Variants in GRM7 observed in about 807,000 individuals in gnomAD.
GRM7 encodes the protein metabotropic glutamate receptor 7.
In GRM7, 35 loss-of-function variants were observed where a neutral mutation model predicts 84.5. The observed-to-expected ratio is 0.41, with a 90% CI of 0.32 to 0.55. The LOEUF (loss-of-function observed/expected upper bound fraction) is 0.55, where lower values mean the gene tolerates loss of function less well. Among genes scored for constraint, GRM7 ranks in the 20% least tolerant of loss-of-function variants. GRM7 has a pLI of 0.19. For synonymous variants in GRM7, 487 were observed against 455.1 expected, an observed-to-expected ratio of 1.07 and a Z score of -0.89; for missense variants, 1,003 against 1,194.6, an observed-to-expected ratio of 0.84 and a Z score of 2.36.
chr3:7,269,116 A>T (rs1698757950), intron 2 of GRM7, among the ~76,000 whole-genome samples: 1 of 152,172 alleles, frequency 6.6e-6, no homozygotes, highest in African/African-American at 2.4e-5. Flanking sequence ...GAACCACATG[A>T]CCTGGAAGGC....
At chr3:7,447,756 TTTA>T (rs1383362241) in intron 5 of GRM7, among the ~76,000 whole-genome samples, 4 of 151,832 alleles carry the variant, frequency 2.6e-5, no homozygotes, top group African/African-American at 9.7e-5. Context: ...TTTTATTTAT[TTTA>T]TTATTATACT....
At chr3:7,694,684 C>T (rs934360240) in intron 9 of GRM7, among the ~76,000 whole-genome samples, 6 of 152,148 alleles carry the variant, frequency 3.9e-5, no homozygotes. Context: ...ACGCATGTTT[C>T]CTGACTCTAG....
In GRM7 at chr3:7,333,628, C is replaced by T. The variant is rs184734120; in HGVS notation, c.1033+26976C>T. On this transcript the variant is annotated intron_variant, in intron 4 of 9. Coordinates refer to ENST00000357716, the MANE Select transcript of GRM7 (RefSeq NM_000844.4). The stretch of plus-strand genomic sequence containing the variant: ...ATGGATCCAAACCAAGAAGAAATGC[C>T]AGATAAAGAATTCAGAAGGTTGATT... 4.1e-3 allele frequency among the ~76,000 whole-genome samples: 615 copies of T among 151,698 alleles called. 8 individuals are homozygous for T. Among genetic ancestry groups the T allele is most frequent in the African/African-American group, 0.014 (573 of 41,344 alleles).
rs140018622 is a variant in GRM7, at chr3:6,930,389, T to C, written c.519+68482T>C. 1.6e-4 allele frequency among the ~76,000 whole-genome samples: 24 copies of C among 152,358 alleles called. No individual in the cohort carries two copies. The East Asian group carries it at 4.1e-3, about 26-fold the overall frequency. On this transcript the variant is annotated intron_variant, in intron 1 of 9. Coordinates refer to ENST00000357716, the MANE Select transcript of GRM7 (RefSeq NM_000844.4). Reference sequence around the variant, plus strand: ...ATAGAGTAGGCAAGAGGTCAAACGATTGCGTGTCTATATCCTATGATTATA... The same window carrying C: ...ATAGAGTAGGCAAGAGGTCAAACGACTGCGTGTCTATATCCTATGATTATA...
chr3:7,642,348 G>C (rs1698402960), intron 8 of GRM7, among the ~76,000 whole-genome samples: 1 of 152,124 alleles, frequency 6.6e-6, no homozygotes, highest in Non-Finnish European at 1.5e-5. Context: ...GTGGTAGAGG[G>C]AGAGGTAAGA....
chr3:6,935,677 A>AAATATTATTATTATTATTATT (rs375035491), intron 1 of GRM7, among the ~76,000 whole-genome samples: 2 of 142,452 alleles, frequency 1.4e-5, no homozygotes, highest in Non-Finnish European at 3.0e-5. Flanking sequence ...CTTATTTTTA[A>AAATATTATTATTATTATTATT]ATTATTATTA....
chr3:7,294,570 A>T (rs1170247277), intron 2 of GRM7, among the ~76,000 whole-genome samples: 1 of 85,334 alleles, frequency 1.2e-5, no homozygotes. Context: ...TCCCTAAAAA[A>T]AAAAAAGAAA....
chr3:6,913,990 C>T (rs1284462811), intron 1 of GRM7, among the ~76,000 whole-genome samples: 1 of 152,174 alleles, frequency 6.6e-6, no homozygotes, highest in African/African-American at 2.4e-5. Context: ...TATAACTCCT[C>T]ATTTATTTCT....
At chr3:7,578,234 AAGAGTGAGGATGC>A (rs1695057719) in intron 7 of GRM7, among the ~76,000 whole-genome samples, 175 bp from the exon 8 acceptor site, 1 of 152,122 alleles carries the variant, frequency 6.6e-6, no homozygotes, top group East Asian at 1.9e-4. Context: ...TCTAATGGTG[AAGAGTGAGGATGC>A]TGGAATCCTA....
intron 2 of GRM7, among the ~76,000 whole-genome samples, chr3:7,167,485 A>G (rs1694837696): frequency 6.6e-6 from 1 of 152,190 alleles, no homozygotes. Context: ...TAAGGGAAAC[A>G]TTGAATTTAT....
At chr3:7,552,109 C>A (rs191514133) in intron 7 of GRM7, among the ~76,000 whole-genome samples, 1 of 152,304 alleles carries the variant, frequency 6.6e-6, no homozygotes, top group East Asian at 1.9e-4. Flanking sequence ...CCCTTGAAAC[C>A]TTTTGCCAAA....
chr3:7,238,996 C>CTTTTTTTTTTTTTTTTTT (rs567509392), intron 2 of GRM7, among the ~76,000 whole-genome samples: 5 of 118,352 alleles, frequency 4.2e-5, no homozygotes, highest in East Asian at 2.5e-4. Flanking sequence ...TTTCTTTTTT[C>CTTTTTTTTTTTTTTTTTT]CTTTTTCTTT....
intron 7 of GRM7, among the ~76,000 whole-genome samples, chr3:7,534,221 C>A (rs1221206293): frequency 6.6e-6 from 1 of 152,078 alleles, no homozygotes; most frequent in African/African-American, 2.4e-5. Flanking sequence ...AACATATTGG[C>A]CAGGCTGGTC....
chr3:7,460,099 TAAAAAAA>T (rs71066013), intron 6 of GRM7, among the ~76,000 whole-genome samples: 3 of 49,552 alleles, frequency 6.1e-5, no homozygotes, highest in Admixed American at 3.1e-4. Context: ...CTTAAAATAG[TAAAAAAA>T]AAAAAAAAAA....
At chr3:7,635,194 T>C (rs569616022) in intron 8 of GRM7, among the ~76,000 whole-genome samples, 4 of 152,296 alleles carry the variant, frequency 2.6e-5, no homozygotes, top group African/African-American at 4.8e-5. Flanking sequence ...CAGCTATAAA[T>C]AGTTTCCTGG....
At chr3:7,545,322 T>C (rs1174101476) in intron 7 of GRM7, among the ~76,000 whole-genome samples, 20 of 152,242 alleles carry the variant, frequency 1.3e-4, no homozygotes, top group Admixed American at 1.3e-3. Flanking sequence ...GTTAAGTATT[T>C]AATGAATGAA....
At chr3:7,300,377 G>C (rs1423002452) in intron 3 of GRM7, among the ~76,000 whole-genome samples, 2 of 152,166 alleles carry the variant, frequency 1.3e-5, no homozygotes, top group Non-Finnish European at 1.5e-5. Flanking sequence ...TGTGGTGGCA[G>C]GGCTATTAAA....
At chr3:7,064,378 T>G (rs12489565) in intron 1 of GRM7, among the ~76,000 whole-genome samples, 62,522 of 146,892 alleles carry the variant, frequency 0.43, 13,611 homozygotes, top group African/African-American at 0.52. Context: ...AATAATAGTC[T>G]CCAATCGCAT....
intron 1 of GRM7, among the ~76,000 whole-genome samples, chr3:7,133,475 G>A (rs1250267939): frequency 1.3e-5 from 2 of 152,162 alleles, no homozygotes; most frequent in Non-Finnish European, 1.5e-5. Flanking sequence ...CATTGCCCTG[G>A]ATGGCTCCTG....
Sources: allele counts gnomAD v4.1 joint callset (sites outside exome capture counted in the v4.1 genomes callset), GRCh38; gene constraint gnomAD v4.1.1; transcripts MANE v1.5; gene names NCBI Gene and HGNC (gene_info 2026-07-23, HGNC 2026-07-21).